The following OPA1 variants were observed in gnomAD, a reference collection of about 807,000 sequenced individuals.
The protein encoded by OPA1 is OPA1 mitochondrial dynamin like GTPase, also known as dynamin-like GTPase OPA1, mitochondrial.
In OPA1, 59 loss-of-function variants were observed where a neutral mutation model predicts 152.9. That is an observed-to-expected ratio of 0.39 (90% CI 0.31 to 0.48). OPA1 has a LOEUF of 0.48. OPA1 is among the 20% of genes least tolerant of loss of function. The pLI is 0.96. For synonymous variants in OPA1, 400 were observed against 389.9 expected, an observed-to-expected ratio of 1.03 and a Z score of -0.31; for missense variants, 1,008 against 1,216.8, an observed-to-expected ratio of 0.83 and a Z score of 2.55.
At chr3:193,667,455 G>C in intron 29 of OPA1, 175 bp downstream of exon 29, 1 of 649,146 alleles carries the variant, frequency 1.5e-6, no homozygotes, top group Non-Finnish European at 2.9e-6. Context: ...TGGAAAACAA[G>C]GTCAGAAGAT....
At chr3:193,597,690 C>CAAAAAA in intron 1 of OPA1, among the ~76,000 whole-genome samples, 1 of 80,298 alleles carries the variant, frequency 1.2e-5, no homozygotes, top group Non-Finnish European at 2.6e-5. Context: ...GACTCCGTTT[C>CAAAAAA]AAAAAAAAAA....
intron 6 of OPA1, 115 bp downstream of exon 6, chr3:193,619,051 A>G (rs1729557584): frequency 1.2e-6 from 1 of 820,026 alleles, no homozygotes; most frequent in African/African-American, 1.7e-5. Context: ...AAAAACATCC[A>G]AGTAGAGATA....
At chr3:193,600,078 A>G (rs536540143) in intron 1 of OPA1, among the ~76,000 whole-genome samples, 1 of 152,312 alleles carries the variant, frequency 6.6e-6, no homozygotes, top group African/African-American at 2.4e-5. Context: ...TTGTCTGCCT[A>G]TTTGAGCTAG....
At chr3:193,671,571 A>AT (rs113618428) in intron 29 of OPA1, among the ~76,000 whole-genome samples, 3,928 of 152,300 alleles carry the variant, frequency 0.026, 55 homozygotes, top group Non-Finnish European at 0.03. Flanking sequence ...TTGTAGTAAT[A>AT]TATCAGTGTT....
intron 8 of OPA1, 136 bp downstream of exon 8, chr3:193,631,801 G>C: frequency 1.4e-6 from 1 of 730,716 alleles, no homozygotes; most frequent in South Asian, 1.6e-5. Flanking sequence ...ATTATCGATA[G>C]ATGCAAAAGC....
chr3:193,593,895 G>A (rs1725067025), intron 1 of OPA1, among the ~76,000 whole-genome samples: 2 of 152,056 alleles, frequency 1.3e-5, no homozygotes, highest in South Asian at 2.1e-4. Flanking sequence ...TCGGGGAAAG[G>A]GGCGTCCGTC....
intron 25 of OPA1, among the ~76,000 whole-genome samples, chr3:193,661,890 C>T (rs1044216743): frequency 6.6e-6 from 1 of 152,092 alleles, no homozygotes; most frequent in African/African-American, 2.4e-5. Flanking sequence ...TTATCAAATG[C>T]TCTTTTTTCT....
intron 29 of OPA1, among the ~76,000 whole-genome samples, chr3:193,686,381 T>C (rs969453161): frequency 6.6e-6 from 1 of 152,156 alleles, no homozygotes; most frequent in African/African-American, 2.4e-5. Context: ...TGCAGGAGTG[T>C]TCTGTCTGTC....
intron 7 of OPA1, 148 bp downstream of exon 7, chr3:193,626,350 T>C: frequency 1.5e-6 from 1 of 673,022 alleles, no homozygotes; most frequent in East Asian, 2.8e-5. Flanking sequence ...CATATAAATA[T>C]GTAACTTTTC....
chr3:193,663,031 CAT>C (rs1456153528), intron 26 of OPA1, 69 bp downstream of exon 26: 9 of 1,491,914 alleles, frequency 6.0e-6, no homozygotes, highest in Non-Finnish European at 8.4e-6. Context: ...AATGTTACTA[CAT>C]GTGTTAGTTA....
At chr3:193,655,784 A>T (rs1460206659) in intron 22 of OPA1, among the ~76,000 whole-genome samples, 1 of 152,100 alleles carries the variant, frequency 6.6e-6, no homozygotes, top group Non-Finnish European at 1.5e-5. Flanking sequence ...CATGTACATC[A>T]CCCCATAAAC....
At position 193,642,903 on chromosome 3, in the gene OPA1, A is replaced by G. The variant is rs570438109; in HGVS notation, c.1230+58A>G. On this transcript the variant is annotated intron_variant, in intron 12 of 30. Coordinates refer to ENST00000361510, the MANE Select transcript of OPA1 (RefSeq NM_130837.3). ...AATTTTATAACCTGGATGAGCTTAT[A>G]AAAGACAGTTAAAGAATATTTGTGA... The G allele has an allele frequency of 2.3e-5, 36 of 1,567,094 alleles. 1 individual carries two copies. The South Asian group carries it at 3.7e-4, about 16-fold the overall frequency.
intron 1 of OPA1, among the ~76,000 whole-genome samples, chr3:193,612,608 C>T (rs1361017832): frequency 1.3e-5 from 2 of 152,158 alleles, no homozygotes; most frequent in Non-Finnish European, 2.9e-5. Flanking sequence ...ATTAAAACTT[C>T]TCCATTGTGG....
chr3:193,687,031 T>G (rs1721022013), intron 29 of OPA1, among the ~76,000 whole-genome samples: 1 of 152,254 alleles, frequency 6.6e-6, no homozygotes, highest in African/African-American at 2.4e-5. Flanking sequence ...GAAGTGAACC[T>G]TCTCCCGGGT....
At chr3:193,648,479 T>G (rs1237650073) in intron 20 of OPA1, 1 of 368,254 alleles carries the variant, frequency 2.7e-6, no homozygotes, top group African/African-American at 2.1e-5. Context: ...CATTAGTTAA[T>G]AAAACACAGC....
At chr3:193,673,204 T>C (rs1718305171) in intron 29 of OPA1, among the ~76,000 whole-genome samples, 1 of 152,214 alleles carries the variant, frequency 6.6e-6, no homozygotes, top group African/African-American at 2.4e-5. Context: ...CTCAAGCCTT[T>C]GGAAAATATG....
intron 29 of OPA1, chr3:193,668,944 C>T (rs1717309236): frequency 1.2e-6 from 1 of 849,720 alleles, no homozygotes. Context: ...TCTGTTTGAG[C>T]CTGCCTTGTT....
chr3:193,643,945 T>A, intron 15 of OPA1, 30 bp from the exon 16 acceptor site: 4 of 1,611,246 alleles, frequency 2.5e-6, no homozygotes, highest in South Asian at 1.1e-5. Context: ...ATCTTAAAAT[T>A]CCACAGTGTC....
At chr3:193,594,316 A>AT (rs1220075804) in intron 1 of OPA1, among the ~76,000 whole-genome samples, 1 of 152,092 alleles carries the variant, frequency 6.6e-6, no homozygotes, top group Non-Finnish European at 1.5e-5. Context: ...GTTGTTTTGA[A>AT]TTTTTTCCAG....
Sources: gnomAD v4.1 joint callset for allele counts (sites outside exome capture counted in the v4.1 genomes callset) on GRCh38, gnomAD v4.1.1 for gene constraint, MANE v1.5 for transcripts, NCBI Gene and HGNC (gene_info 2026-07-23, HGNC 2026-07-21) for gene names.